The following ARHGEF28 variants were observed in gnomAD, a reference collection of about 807,000 sequenced individuals.
ARHGEF28 encodes 190 kDa guanine nucleotide exchange factor.
A neutral mutation model predicts 206.6 loss-of-function variants in ARHGEF28; 152 were observed. The ratio of observed to expected loss-of-function variants is 0.74; its 90% CI spans 0.64 to 0.84. The LOEUF (loss-of-function observed/expected upper bound fraction) is 0.84, where lower values mean the gene tolerates loss of function less well. Ranked by LOEUF, ARHGEF28 falls within the 40% of genes least tolerant of loss-of-function variation. The pLI is 0.00. For missense variants in ARHGEF28, 2,028 were observed against 2,073.2 expected, an observed-to-expected ratio of 0.98 and a Z score of 0.42; for synonymous variants, 763 against 776.4, an observed-to-expected ratio of 0.98 and a Z score of 0.29.
chr5:73,828,675 CCTTT>C (rs764286159), intron 9 of ARHGEF28, among the ~76,000 whole-genome samples: 1 of 137,002 alleles, frequency 7.3e-6, no homozygotes, highest in Non-Finnish European at 1.6e-5. Flanking sequence ...CTTTCCTTTT[CCTTT>C]CTTTCTCTTT....
At chr5:73,882,618 C>G in intron 23 of ARHGEF28, 24 bp downstream of exon 23, 1 of 1,445,432 alleles carries the variant, frequency 6.9e-7, no homozygotes, top group Non-Finnish European at 9.2e-7. Context: ...AACTTTATTA[C>G]AAAGTGATAA....
chr5:73,753,447 T>C (rs1752136724), intron 4 of ARHGEF28, among the ~76,000 whole-genome samples: 1 of 152,160 alleles, frequency 6.6e-6, no homozygotes, highest in African/African-American at 2.4e-5. Context: ...GACTGTTTCT[T>C]TATGGTATGC....
In ARHGEF28 at chr5:73,844,623, TA is replaced by T. The variant is rs1337806156; in HGVS notation, c.1428-1635del. The stretch of plus-strand genomic sequence containing the variant: ...ATTTTCTGGTTCTTGTATTTCAAAA[TA>T]AAAAAAAAAGCCTATGTTTTTTTTT... On this transcript the variant is annotated intron_variant, in intron 11 of 35. Transcript: ENST00000513042. 6.8e-5 allele frequency among the ~76,000 whole-genome samples: 9 copies of T among 132,150 alleles called. 1 individual carries two copies. The highest frequency in any genetic ancestry group is 2.3e-4 in the East Asian group (1 of 4,392). The allele number at this position is 132,150 out of a possible 152,430, so 86.7% of individuals were successfully genotyped here. A position where few individuals can be genotyped will look rare whatever the true frequency, so the allele number is the denominator to read the frequency against.
chr5:73,782,229 G>A (rs1292455634), intron 7 of ARHGEF28, among the ~76,000 whole-genome samples: 1 of 151,764 alleles, frequency 6.6e-6, no homozygotes, highest in Non-Finnish European at 1.5e-5. Context: ...ACCTGAGGTC[G>A]GGGGTTCGAG....
At chr5:73,904,593 A>G (rs574876240) in intron 33 of ARHGEF28, 188 bp downstream of exon 33, 2 of 588,030 alleles carry the variant, frequency 3.4e-6, no homozygotes, top group African/African-American at 3.7e-5. Context: ...CCATGACTAC[A>G]TTTTATACCA....
At chr5:73,653,543 C>G (rs1744967899) in intron 1 of ARHGEF28, among the ~76,000 whole-genome samples, 1 of 152,170 alleles carries the variant, frequency 6.6e-6, no homozygotes, top group African/African-American at 2.4e-5. Flanking sequence ...GAGACCCTTG[C>G]TTATGTCTCT....
chr5:73,668,810 A>G (rs1444760264), intron 1 of ARHGEF28, among the ~76,000 whole-genome samples: 4 of 152,196 alleles, frequency 2.6e-5, no homozygotes, highest in Admixed American at 6.5e-5. Flanking sequence ...CTGTGTGTCC[A>G]CAACTACTCT....
chr5:73,885,343 T>C (rs950766690), intron 24 of ARHGEF28, among the ~76,000 whole-genome samples: 1 of 152,180 alleles, frequency 6.6e-6, no homozygotes, highest in Non-Finnish European at 1.5e-5. Context: ...TCCCTAGAAC[T>C]CAGACATCTT....
rs143961079 is a variant in ARHGEF28, at chr5:73,911,686, C to T, written c.4948+111C>T. The stretch of plus-strand genomic sequence containing the variant: ...AGTCCTCCCTAGCATGGGAATAAAT[C>T]GGTACTGATGAGCTGGAGTTTGTGG... On this transcript the variant is annotated intron_variant, in intron 35 of 35. Coordinates refer to ENST00000513042, the MANE Select transcript of ARHGEF28 (RefSeq NM_001177693.2). 143 of 1,147,170 alleles carry T rather than the reference C, an allele frequency of 1.2e-4. No individual in the cohort carries two copies. The East Asian group carries it at 3.0e-3, about 24-fold the overall frequency. The allele number at this position is 1,147,170 out of a possible 1,614,324, so 71.1% of individuals were successfully genotyped here.
intron 2 of ARHGEF28, among the ~76,000 whole-genome samples, chr5:73,701,829 T>C (rs1159967664): frequency 2.0e-5 from 3 of 152,202 alleles, no homozygotes; most frequent in African/African-American, 7.2e-5. Context: ...TTCCATGATA[T>C]AGGTGTCCAA....
intron 22 of ARHGEF28, among the ~76,000 whole-genome samples, chr5:73,881,118 G>T (rs1415546544): frequency 6.7e-6 from 1 of 149,910 alleles, no homozygotes; most frequent in African/African-American, 2.5e-5. Flanking sequence ...AATTGCTTTT[G>T]CATTTTTGTC....
intron 29 of ARHGEF28, among the ~76,000 whole-genome samples, chr5:73,895,212 G>T (rs1434072204): frequency 6.6e-6 from 1 of 152,160 alleles, no homozygotes; most frequent in African/African-American, 2.4e-5. Flanking sequence ...ACTTAAGAGG[G>T]TGAAGTGCAG....
At chr5:73,658,735 A>G (rs1393776052) in intron 1 of ARHGEF28, among the ~76,000 whole-genome samples, 1 of 152,148 alleles carries the variant, frequency 6.6e-6, no homozygotes, top group Non-Finnish European at 1.5e-5. Flanking sequence ...CATGACAGAG[A>G]ATTGTACAGT....
chr5:73,887,781 G>A (rs1310229511), intron 26 of ARHGEF28, 102 bp downstream of exon 26: 1 of 944,624 alleles, frequency 1.1e-6, no homozygotes, highest in Non-Finnish European at 1.5e-6. Flanking sequence ...TCACAGGGAA[G>A]TATATGCTTC....
intron 4 of ARHGEF28, among the ~76,000 whole-genome samples, chr5:73,755,046 A>G (rs1224236838): frequency 6.6e-6 from 1 of 151,674 alleles, no homozygotes; most frequent in Non-Finnish European, 1.5e-5. Context: ...AACTCTTGCT[A>G]TGTGCTAAGC....
rs181946281 is a variant in ARHGEF28 at position 73,725,691 on chromosome 5, C to T, written c.34-24146C>T. On this transcript the variant is annotated intron_variant, in intron 2 of 35. Coordinates refer to ENST00000513042, the MANE Select transcript of ARHGEF28 (RefSeq NM_001177693.2). Reference sequence around the variant, plus strand: ...AGAGAATCAGTAAGTTGGCTGTTTTCGTTGGTATTTGGGAAAGCTAGGGAT... The same window carrying T: ...AGAGAATCAGTAAGTTGGCTGTTTTTGTTGGTATTTGGGAAAGCTAGGGAT... Among the ~76,000 whole-genome samples the T allele has an allele frequency of 1.4e-4, 21 of 152,164 alleles. No homozygotes were observed. The East Asian group carries it at 4.1e-3, about 29-fold the overall frequency.
intron 5 of ARHGEF28, among the ~76,000 whole-genome samples, 177 bp downstream of exon 5, chr5:73,774,215 A>G (rs923180796): frequency 1.3e-5 from 2 of 152,202 alleles, no homozygotes; most frequent in African/African-American, 4.8e-5. Flanking sequence ...TTAATGTTTC[A>G]TGAGGGTGAG....
chr5:73,663,653 A>G (rs930599070), intron 1 of ARHGEF28, among the ~76,000 whole-genome samples: 3 of 152,172 alleles, frequency 2.0e-5, no homozygotes, highest in Admixed American at 6.5e-5. Flanking sequence ...ATGTGTTTGG[A>G]CTTGGCTGTC....
At chr5:73,830,938 C>T (rs1034263637) in intron 9 of ARHGEF28, among the ~76,000 whole-genome samples, 1 of 152,062 alleles carries the variant, frequency 6.6e-6, no homozygotes, top group Non-Finnish European at 1.5e-5. Context: ...TGTACCTATT[C>T]AAGAAAATTT....
Sources: allele counts gnomAD v4.1 joint callset (sites outside exome capture counted in the v4.1 genomes callset), GRCh38; gene constraint gnomAD v4.1.1; transcripts MANE v1.5; gene names NCBI Gene and HGNC (gene_info 2026-07-23, HGNC 2026-07-21).